Variants in IPP observed in about 807,000 individuals in gnomAD.
The protein encoded by IPP is actin-binding protein IPP.
Under a neutral mutation model 64.1 loss-of-function variants are expected in IPP, and 41 were observed. The ratio of observed to expected loss-of-function variants is 0.64; its 90% confidence interval spans 0.50 to 0.83. The LOEUF (loss-of-function observed/expected upper bound fraction) is 0.83, where lower values mean the gene tolerates loss of function less well. IPP is among the 40% of genes least tolerant of loss of function. IPP has a pLI of 0.00. For synonymous variants in IPP, 214 were observed against 235.2 expected (o/e 0.91, Z 0.83); for missense variants, 649 against 703.0 (o/e 0.92, Z 0.87).
rs567292553 is a variant in IPP, at chr1:45,735,609, C to G, written c.724+5292G>C. Among the ~76,000 whole-genome samples, 11 of 145,986 alleles carry G rather than the reference C, an allele frequency of 7.5e-5. No individual in the cohort carries two copies. In the South Asian group the frequency reaches 2.4e-3, roughly 32 times the overall value. ...TAGCTGGGACTATATGCAAGCACCA[C>G]CAGACCTGGCTATTTTTTTTTTTTT... On this transcript the variant is annotated intron_variant, in intron 3 of 8. Coordinates refer to ENST00000396478, the MANE Select transcript of IPP (RefSeq NM_005897.3).
intron 7 of IPP, among the ~76,000 whole-genome samples, chr1:45,715,731 T>A (rs1422448311): frequency 6.6e-6 from 1 of 152,132 alleles, no homozygotes; most frequent in Non-Finnish European, 1.5e-5. Context: ...TGAGAAAAGA[T>A]AACTCACAAC....
chr1:45,740,154 A>C (rs909645737), intron 3 of IPP, among the ~76,000 whole-genome samples: 1 of 152,246 alleles, frequency 6.6e-6, no homozygotes, highest in Non-Finnish European at 1.5e-5. Flanking sequence ...GTCATAGATC[A>C]ACAGGATCCC....
intron 5 of IPP, among the ~76,000 whole-genome samples, chr1:45,726,336 T>C (rs938059915): frequency 2.0e-5 from 3 of 152,062 alleles, no homozygotes; most frequent in African/African-American, 7.2e-5. Flanking sequence ...TACATGCCTG[T>C]AATCCCAGCT....
chr1:45,703,678 C>G (rs925799667), intron 8 of IPP, among the ~76,000 whole-genome samples: 37 of 152,060 alleles, frequency 2.4e-4, no homozygotes, highest in African/African-American at 8.5e-4. Flanking sequence ...ACCAGGGAAA[C>G]TCAAGTTACT....
intron 3 of IPP, among the ~76,000 whole-genome samples, chr1:45,731,459 G>C (rs1645904286): frequency 6.6e-6 from 1 of 152,096 alleles, no homozygotes; most frequent in Non-Finnish European, 1.5e-5. Context: ...CAGAACAAAG[G>C]TGGCAAGAAC....
At chr1:45,725,405 C>A (rs1570004300) in intron 5 of IPP, among the ~76,000 whole-genome samples, 1 of 147,124 alleles carries the variant, frequency 6.8e-6, no homozygotes, top group Non-Finnish European at 1.5e-5. Flanking sequence ...TGCCCGGCCG[C>A]CCCTACTGGG....
chr1:45,700,521 A>G (rs1295882466), intron 8 of IPP, among the ~76,000 whole-genome samples: 1 of 151,976 alleles, frequency 6.6e-6, no homozygotes, highest in Non-Finnish European at 1.5e-5. Context: ...TTTCTATTGT[A>G]GAGATGGAAT....
At chr1:45,732,607 C>A (rs1645926127) in intron 3 of IPP, among the ~76,000 whole-genome samples, 1 of 151,872 alleles carries the variant, frequency 6.6e-6, no homozygotes, top group Non-Finnish European at 1.5e-5. Flanking sequence ...ATATGAATGA[C>A]AAAGAAGTTC....
intron 5 of IPP, among the ~76,000 whole-genome samples, chr1:45,726,424 C>T (rs1645828989): frequency 6.6e-6 from 1 of 152,014 alleles, no homozygotes; most frequent in Non-Finnish European, 1.5e-5. Flanking sequence ...CCAGATCATG[C>T]CATTGCACTC....
intron 5 of IPP, among the ~76,000 whole-genome samples, chr1:45,724,060 T>C (rs1370869591): frequency 6.9e-6 from 1 of 145,968 alleles, no homozygotes; most frequent in African/African-American, 2.5e-5. Flanking sequence ...TGCTGCCATC[T>C]CGGCTCACTG....
chr1:45,724,798 A>G (rs1645788481), intron 5 of IPP, among the ~76,000 whole-genome samples: 2 of 142,490 alleles, frequency 1.4e-5, no homozygotes, highest in Non-Finnish European at 3.1e-5. Context: ...GCCCCTTCTG[A>G]GAAGTGAGGA....
At chr1:45,747,190 A>G (rs1011418440) in intron 1 of IPP, among the ~76,000 whole-genome samples, 2 of 152,116 alleles carry the variant, frequency 1.3e-5, no homozygotes, top group African/African-American at 2.4e-5. Flanking sequence ...TCATAGCTTT[A>G]GCACCAGTAT....
chr1:45,721,366 GGAA>G (rs1213428444), intron 5 of IPP, among the ~76,000 whole-genome samples: 1 of 152,204 alleles, frequency 6.6e-6, no homozygotes, highest in Admixed American at 6.5e-5. Flanking sequence ...GTATGTGCTA[GGAA>G]GAAGGAGGCT....
At chr1:45,746,525 A>G (rs1456584775) in intron 1 of IPP, 64 bp from the exon 2 acceptor site, 4 of 677,236 alleles carry the variant, frequency 5.9e-6, no homozygotes, top group Non-Finnish European at 7.6e-6. Flanking sequence ...CTATTCACAC[A>G]TAAGAAGCAT....
At chr1:45,715,860 A>G (rs977734465) in intron 7 of IPP, among the ~76,000 whole-genome samples, 3 of 152,156 alleles carry the variant, frequency 2.0e-5, no homozygotes, top group African/African-American at 7.2e-5. Context: ...ATAAATATAA[A>G]ACAACTAGGA....
chr1:45,718,705 C>T (rs1347165847), intron 6 of IPP, among the ~76,000 whole-genome samples: 1 of 152,114 alleles, frequency 6.6e-6, no homozygotes, highest in Non-Finnish European at 1.5e-5. Context: ...AAGAACATCT[C>T]CAAAGTCATC....
chr1:45,727,835 C>T, intron 4 of IPP, 37 bp from the exon 5 acceptor site: 1 of 1,439,614 alleles, frequency 6.9e-7, no homozygotes, highest in Non-Finnish European at 9.4e-7. Flanking sequence ...TGAAAATCTA[C>T]TGTTCTACAT....
At chr1:45,695,127 T>A (rs1645375308), downstream of IPP, among the ~76,000 whole-genome samples, 1 of 152,164 alleles carries the variant, frequency 6.6e-6, no homozygotes, top group Non-Finnish European at 1.5e-5. Flanking sequence ...CTACATCTTT[T>A]AAATCACAGA....
At position 45,698,804 on chromosome 1, in the gene IPP, G is replaced by T; in HGVS notation, c.*1162C>A. On this transcript the variant is annotated 3_prime_UTR_variant, in exon 9 of 9. Transcript: ENST00000396478. ...CACAATCTTGGCTCACTGCAGCCTT[G>T]ACCTCCTGGGCTCAAGTGATCCTGC... is the stretch of plus-strand genomic sequence containing the variant. 1 of 394,174 alleles carries T rather than the reference G, an allele frequency of 2.5e-6. No homozygotes were observed. Among genetic ancestry groups the T allele is most frequent in the Non-Finnish European group, 3.4e-6 (1 of 296,716 alleles). 24.4% of individuals were successfully genotyped at this position (394,174 alleles called of 1,614,324 possible). A position where few individuals can be genotyped will look rare whatever the true frequency, so the allele number is the denominator to read the frequency against.
Sources: allele counts gnomAD v4.1 joint callset (sites outside exome capture counted in the v4.1 genomes callset), GRCh38; gene constraint gnomAD v4.1.1; transcripts MANE v1.5; gene names NCBI Gene and HGNC (gene_info 2026-07-23, HGNC 2026-07-21).